The following FLG variants were observed in gnomAD, a reference collection of about 807,000 sequenced individuals.
The protein encoded by FLG is epidermal filaggrin.
In FLG, 6 loss-of-function variants were observed where a neutral mutation model predicts 3.8. That is an observed-to-expected ratio of 1.60 (90% CI 0.87 to 3.15). The LOEUF is 3.15. Among genes scored for constraint, FLG ranks in the 30% most tolerant of loss-of-function variants. The pLI is 0.00. For missense variants in FLG, 7,595 were observed against 5,050.9 expected (o/e 1.50, Z -15.27); for synonymous variants, 2,551 against 1,931.6 (o/e 1.32, Z -8.41).
Position 152,307,633 on chromosome 1 carries a change from A to C in FLG, c.7253T>G (p.Val2418Gly). Residue 2418 changes from valine (V) to glycine (G), a missense_variant, in exon 3 of 3, where the codon GTG (valine) becomes GGG (glycine). By Grantham distance (109) the Val-to-Gly change is moderately radical. Coordinates refer to ENST00000368799, the MANE Select transcript of FLG (RefSeq NM_002016.2). ...GGACTCAGACTGTTCATGAGTGCTC[A>C]CCTGGTAGAGGAAAGACCCTGAACG... ...SGRSGSFLYQ[V>G]STHEQSESAH... The C allele has an allele frequency of 1.2e-6, 2 of 1,612,858 alleles. No homozygotes were observed. The highest frequency in any genetic ancestry group is 2.2e-5 in the South Asian group (2 of 91,008).
Position 152,304,044 on chromosome 1 carries a change from G to A in FLG, c.10842C>T (p.Ser3614=), listed in dbSNP as rs754005162. 1.4e-4 allele frequency: 221 copies of A among 1,613,318 alleles called. No individual in the cohort carries two copies. The highest frequency in any genetic ancestry group is 1.8e-4 in the Non-Finnish European group (214 of 1,180,014). ...ENSSGGQAAS[S]HEQARSSAGE... ...CTGCACTTGATCTTGCCTGTTCATG[G>A]GATGATGCAGCCTGTCCACCAGAGG... The change falls in exon 3 of 3, where the codon TCC becomes TCT. Residue 3614 remains serine, a synonymous_variant. Transcript: ENST00000368799.
At chr1:152,324,657 C>A (rs868347807) in intron 1 of FLG, among the ~76,000 whole-genome samples, 2 of 151,628 alleles carry the variant, frequency 1.3e-5, no homozygotes, top group Non-Finnish European at 2.9e-5. Context: ...TAAAACATTA[C>A]GAGTTTTTTT....
intron 1 of FLG, among the ~76,000 whole-genome samples, chr1:152,324,508 A>G (rs1018533995): frequency 1.3e-5 from 2 of 151,888 alleles, no homozygotes; most frequent in African/African-American, 4.8e-5. Flanking sequence ...ACTCAAAGAT[A>G]ATTCCCTAGA....
rs557516477 is a variant in FLG, at chr1:152,307,367, G to A, written c.7519C>T (p.His2507Tyr). Residue 2507 changes from histidine (H) to tyrosine (Y), a missense_variant, in exon 3 of 3, where the codon CAC (histidine) becomes TAC (tyrosine). His to Tyr is a moderately conservative substitution (Grantham distance 83, BLOSUM62 2). Coordinates refer to ENST00000368799, the MANE Select transcript of FLG (RefSeq NM_002016.2). ...CTGCTTGCACTTCTGGATCCTGAGT[G>A]CCCATGGGAGGCATCAGACCTTCCC... is the stretch of plus-strand genomic sequence containing the variant. ...SQGRSDASHG[H>Y]SGSRSASRQT... is the part of the protein sequence containing the mutation. 4.3e-6 allele frequency: 7 copies of A among 1,613,144 alleles called. No homozygotes were observed. In the South Asian group the frequency reaches 7.7e-5, roughly 18 times the overall value.
At position 152,312,659 on chromosome 1, in the gene FLG, T is replaced by A. The variant is rs1198910628; in HGVS notation, c.2227A>T (p.Ser743Cys). ...TCACTGTCAGTGGCCTGACTACCAC[T>A]GGACCCTCGGTGTCCACTGTCTCTG... ...AVRDSGHRGS[S>C]GSQATDSEGH... The change falls in exon 3 of 3, where the codon AGT becomes TGT. Residue 743 changes from serine (S) to cysteine (C), a missense_variant. Transcript: ENST00000368799. The A allele has an allele frequency of 1.2e-6, 2 of 1,614,012 alleles. No individual in the cohort carries two copies. The highest frequency in any genetic ancestry group is 1.1e-5 in the South Asian group (1 of 91,076).
chr1:152,307,015 C>T lies in FLG; in HGVS notation c.7871G>A (p.Arg2624Lys), dbSNP rs747088773. Residue 2624 changes from arginine to lysine, a missense_variant, in exon 3 of 3, where the codon AGA (arginine) becomes AAA (lysine). By Grantham distance (26) the Arg-to-Lys change is conservative (BLOSUM62 2). Coordinates refer to ENST00000368799, the MANE Select transcript of FLG (RefSeq NM_002016.2). ...CTGTGTGTGACGAGTGCCTGATTGTCTGGAGCTGTCTGCAGAGTGCCCATG... is the reference window on the plus strand; with the variant it reads ...CTGTGTGTGACGAGTGCCTGATTGTTTGGAGCTGTCTGCAGAGTGCCCATG... ...AGHGHSADSS[R>K]QSGTRHTQTS... The T allele has an allele frequency of 6.3e-7, 1 of 1,597,238 alleles. No individual in the cohort carries two copies. Among genetic ancestry groups the T allele is most frequent in the Non-Finnish European group, 8.5e-7 (1 of 1,175,242 alleles).
rs747676654 is a variant in FLG at position 152,310,956 on chromosome 1, C to T, written c.3930G>A (p.Gly1310=). ...GACTGGCTCTGTCTTCTTGATGGAACCCAGGGTGTCTGGAGCCATCTCTTG... is the reference window on the plus strand; with the variant it reads ...GACTGGCTCTGTCTTCTTGATGGAATCCAGGGTGTCTGGAGCCATCTCTTG... ...EQSRDGSRHP[G]FHQEDRASHG... is the part of the protein sequence containing the mutation. Residue 1310 remains glycine, a synonymous_variant, in exon 3 of 3, where the codon GGG becomes GGA. Transcript: ENST00000368799. The T allele has an allele frequency of 7.4e-6, 12 of 1,613,926 alleles. No individual in the cohort carries two copies. The South Asian group carries it at 8.8e-5, about 12-fold the overall frequency.
Position 152,313,755 on chromosome 1 carries a change from T to C in FLG, c.1131A>G (p.Arg377=). 1.2e-6 allele frequency: 2 copies of C among 1,614,032 alleles called. No individual in the cohort carries two copies. Among genetic ancestry groups the C allele is most frequent in the Non-Finnish European group, 8.5e-7 (1 of 1,179,972 alleles). Residue 377 remains arginine (R), a synonymous_variant, in exon 3 of 3, where the codon AGA becomes AGG. Transcript: ENST00000368799. ...ATCCATGTCTTTCTCCTGGACTTGA[T>C]CTTGCCTGTTCATGGGATGATGCAG... The part of the protein sequence containing the change: ...GQTASSHEQA[R]SSPGERHGSG...
In FLG at chr1:152,307,331, T is replaced by C; in HGVS notation, c.7555A>G (p.Asn2519Asp). Residue 2519 changes from asparagine (N) to aspartate (D), a missense_variant, in exon 3 of 3, where the codon AAC (asparagine) becomes GAC (aspartate). Transcript: ENST00000368799. ...GSRSASRQTR[N>D]DEQSGDGSRH... ...GAGCCGTCTCCTGATTGTTCATCGTTACGAGTTTGTCTGCTTGCACTTCTG... is the reference window on the plus strand; with the variant it reads ...GAGCCGTCTCCTGATTGTTCATCGTCACGAGTTTGTCTGCTTGCACTTCTG... 6.2e-7 allele frequency: 1 copy of C among 1,612,864 alleles called. No individual in the cohort carries two copies. Among genetic ancestry groups the C allele is most frequent in the Non-Finnish European group, 8.5e-7 (1 of 1,179,606 alleles).
At position 152,302,960 on chromosome 1, in the gene FLG, G is replaced by A. The variant is rs375423337; in HGVS notation, c.11926C>T (p.His3976Tyr). The change falls in exon 3 of 3, where the codon CAT (histidine) becomes TAT (tyrosine). Residue 3976 changes from histidine (H) to tyrosine (Y), a missense_variant. By Grantham distance (83) the His-to-Tyr change is moderately conservative (BLOSUM62 2). Transcript: ENST00000368799. ...TAATCTGCACTACCATAGCTGCCAT[G>A]TCTCCAAACTAAACCTGATTGACCT... Reference protein sequence around the residue: ...QKGQSGLVWRHGSYGSADYDY... With the variant: ...QKGQSGLVWRYGSYGSADYDY... 4.3e-6 allele frequency: 7 copies of A among 1,614,016 alleles called. No homozygotes were observed. The highest frequency in any genetic ancestry group is 2.7e-5 in the African/African-American group (2 of 74,900).
intron 1 of FLG, among the ~76,000 whole-genome samples, chr1:152,315,919 A>G (rs1652774283): frequency 1.3e-5 from 2 of 152,262 alleles, no homozygotes; most frequent in Admixed American, 1.3e-4. Flanking sequence ...CCAGTTAGCC[A>G]TATGACAAGA....
rs757400929 is a variant in FLG at position 152,310,102 on chromosome 1, C to A, written c.4784G>T (p.Ser1595Ile). The A allele has an allele frequency of 6.2e-6, 10 of 1,613,904 alleles. No individual in the cohort carries two copies. The part of the protein sequence containing the change: ...KTSRRQGSSV[S>I]QDRDSEGHSE... ...GTGTCCCTCACTGTCCCTGTCCTGA[C>A]TAACACTGGATCCCTGGCGCCTGCT... The change falls in exon 3 of 3, where the codon AGT (serine) becomes ATT (isoleucine). Residue 1595 changes from serine to isoleucine, a missense_variant. Transcript: ENST00000368799.
chr1:152,303,724 T>A lies in FLG; in HGVS notation c.11162A>T (p.Glu3721Val), dbSNP rs751720577. The stretch of plus-strand genomic sequence containing the variant: ...GGGCCCAGCCCGTCCATGGGCAGAC[T>A]CAGACTGTTCATGAGTGCTCACCTG... ...LYQVSTHEQS[E>V]SAHGRAGPST... The change falls in exon 3 of 3, where the codon GAG becomes GTG. Residue 3721 changes from glutamate (E) to valine (V), a missense_variant. Physicochemically the swap from Glu to Val is moderately radical, Grantham distance 121 (BLOSUM62 -2). Transcript: ENST00000368799. 3 of 1,613,936 alleles carry A rather than the reference T, an allele frequency of 1.9e-6. No individual in the cohort carries two copies. In the Admixed American group the frequency reaches 5.0e-5, roughly 27 times the overall value.
chr1:152,304,626 G>A lies in FLG; in HGVS notation c.10260C>T (p.Asp3420=). ...CTTGGGACGCTGAGTGCCTGGAGCT[G>A]TCTCGTGCCTGCTCGTGGTGGGATC... The part of the protein sequence containing the change: ...RQGSHHEQAR[D]SSRHSASQEG... Residue 3420 remains aspartate, a synonymous_variant, in exon 3 of 3, where the codon GAC becomes GAT. Coordinates refer to ENST00000368799, the MANE Select transcript of FLG (RefSeq NM_002016.2). The A allele has an allele frequency of 6.2e-7, 1 of 1,613,064 alleles. No individual in the cohort carries two copies.
chr1:152,305,035 C>A lies in FLG; in HGVS notation c.9851G>T (p.Gly3284Val). Residue 3284 changes from glycine to valine, a missense_variant, in exon 3 of 3, where the codon GGT (glycine) becomes GTT (valine). Coordinates refer to ENST00000368799, the MANE Select transcript of FLG (RefSeq NM_002016.2). ...TTCATGGGATGATGCAGCCTGTCCA[C>A]CAGAGGAAGTCTCTGCGTGACGAGT... ...SGTRHAETSS[G>V]GQAASSHEQA... 3.1e-6 allele frequency: 5 copies of A among 1,613,968 alleles called. No individual in the cohort carries two copies. The highest frequency in any genetic ancestry group is 2.5e-6 in the Non-Finnish European group (3 of 1,179,998).
Position 152,307,136 on chromosome 1 carries a change from A to T in FLG, c.7750T>A (p.Ser2584Thr). The T allele has an allele frequency of 6.2e-7, 1 of 1,612,270 alleles. No homozygotes were observed. Among genetic ancestry groups the T allele is most frequent in the South Asian group, 1.1e-5 (1 of 91,026 alleles). Reference protein sequence around the residue: ...QGHSEDSERWSGSASRNHHGS... With the variant: ...QGHSEDSERWTGSASRNHHGS... ...TGATGGTTTCTGGAAGCAGACCCAG[A>T]CCACCTCTCAGAGTCTTCTGAGTGT... The change falls in exon 3 of 3, where the codon TCT becomes ACT. Residue 2584 changes from serine (S) to threonine (T), a missense_variant. Transcript: ENST00000368799.
At position 152,311,523 on chromosome 1, in the gene FLG, C is replaced by T. The variant is rs755367825; in HGVS notation, c.3363G>A (p.Val1121=). 1.9e-6 allele frequency: 3 copies of T among 1,613,876 alleles called. No individual in the cohort carries two copies. Among genetic ancestry groups the T allele is most frequent in the Middle Eastern group, 1.6e-4 (1 of 6,062 alleles). Residue 1121 remains valine, a synonymous_variant, in exon 3 of 3, where the codon GTG becomes GTA. Transcript: ENST00000368799. ...SGRSGSFIYQ[V]STHEQSESAH... is the part of the protein sequence containing the mutation. ...CAGACTCAGACTGTTCATGAGTGCT[C>T]ACCTGGTAGATGAAAGACCCTGAAC...
chr1:152,308,901 T>C lies in FLG; in HGVS notation c.5985A>G (p.Glu1995=), dbSNP rs779324880. The change falls in exon 3 of 3, where the codon GAA becomes GAG. Residue 1995 remains glutamate (E), a synonymous_variant. Coordinates refer to ENST00000368799, the MANE Select transcript of FLG (RefSeq NM_002016.2). ...TTTCTCCTGCACTTGATCTTGCCTG[T>C]TCATGGGATGACGCAGCCTGTCCAC... The part of the protein sequence containing the change: ...SSRGQAASSH[E]QARSSAGERH... 1 of 1,614,188 alleles carries C rather than the reference T, an allele frequency of 6.2e-7. No individual in the cohort carries two copies. The highest frequency in any genetic ancestry group is 8.5e-7 in the Non-Finnish European group (1 of 1,180,008).
chr1:152,314,060 G>T lies in FLG; in HGVS notation c.826C>A (p.His276Asn), dbSNP rs761900011. ...AATGGTACCTGGCTTGTATTTTCAT[G>T]TCTTGACCTGTTCACTTGAGATGAT... Reference protein sequence around the residue: ...KSSSQVNRSRHENTSQVPLQE... With the variant: ...KSSSQVNRSRNENTSQVPLQE... Residue 276 changes from histidine (H) to asparagine (N), a missense_variant, in exon 3 of 3, where the codon CAT becomes AAT. By Grantham distance (68) the His-to-Asn change is moderately conservative (BLOSUM62 1). Coordinates refer to ENST00000368799, the MANE Select transcript of FLG (RefSeq NM_002016.2). 3 of 1,614,186 alleles carry T rather than the reference G, an allele frequency of 1.9e-6. No individual in the cohort carries two copies. Among genetic ancestry groups the T allele is most frequent in the East Asian group, 2.2e-5 (1 of 44,878 alleles).
Sources: allele counts gnomAD v4.1 joint callset (sites outside exome capture counted in the v4.1 genomes callset), GRCh38; gene constraint gnomAD v4.1.1; transcripts MANE v1.5; gene names NCBI Gene and HGNC (gene_info 2026-07-23, HGNC 2026-07-21).